Variants in NKAIN2 observed in about 807,000 individuals in gnomAD.
NKAIN2 encodes the protein sodium/potassium transporting ATPase interacting 2.
Under a neutral mutation model 32.6 loss-of-function variants are expected in NKAIN2, and 14 were observed. The ratio of observed to expected loss-of-function variants is 0.43; its 90% CI spans 0.28 to 0.67. The LOEUF (loss-of-function observed/expected upper bound fraction) is 0.67. NKAIN2 is among the 30% of genes least tolerant of loss of function. The pLI, the probability that NKAIN2 is intolerant of heterozygous loss-of-function variation, is 0.17. For synonymous variants in NKAIN2, 80 were observed against 87.2 expected, an observed-to-expected ratio of 0.92 and a Z score of 0.46; for missense variants, 198 against 258.3, an observed-to-expected ratio of 0.77 and a Z score of 1.60.
chr6:124,501,576 A>T (rs572174059), intron 3 of NKAIN2, among the ~76,000 whole-genome samples: 2 of 152,254 alleles, frequency 1.3e-5, no homozygotes, highest in South Asian at 4.1e-4. Context: ...CAGCCCTTTC[A>T]TTCAGTTTTC....
At chr6:124,130,972 G>A (rs1347903288) in intron 1 of NKAIN2, among the ~76,000 whole-genome samples, 1 of 152,100 alleles carries the variant, frequency 6.6e-6, no homozygotes, top group Non-Finnish European at 1.5e-5. Context: ...GTCCTGTCTT[G>A]GCCTGGTGTC....
intron 3 of NKAIN2, among the ~76,000 whole-genome samples, chr6:124,412,076 G>T (rs190811996): frequency 1.3e-5 from 2 of 150,520 alleles, no homozygotes; most frequent in South Asian, 2.1e-4. Context: ...CTATTTATCC[G>T]TTCATCTAAT....
At chr6:124,548,062 A>G (rs1780159487) in intron 3 of NKAIN2, among the ~76,000 whole-genome samples, 1 of 152,190 alleles carries the variant, frequency 6.6e-6, no homozygotes, top group African/African-American at 2.4e-5. Flanking sequence ...CTTGCCTGGG[A>G]TATGAACCGT....
At chr6:124,739,677 GA>G (rs1325706474) in intron 4 of NKAIN2, among the ~76,000 whole-genome samples, 1 of 151,764 alleles carries the variant, frequency 6.6e-6, no homozygotes. Context: ...TACACATCTT[GA>G]AAAAGGGAGA....
intron 1 of NKAIN2, among the ~76,000 whole-genome samples, chr6:124,142,260 C>CT (rs973188728): frequency 5.3e-5 from 8 of 152,132 alleles, no homozygotes; most frequent in African/African-American, 1.9e-4. Flanking sequence ...ATTCTTATAT[C>CT]TTTTTGATGA....
chr6:124,101,644 T>C (rs759114560), intron 1 of NKAIN2, among the ~76,000 whole-genome samples: 1 of 152,148 alleles, frequency 6.6e-6, no homozygotes, highest in Non-Finnish European at 1.5e-5. Flanking sequence ...TATGTTTCAG[T>C]TACTTGTGAT....
intron 1 of NKAIN2, among the ~76,000 whole-genome samples, chr6:124,177,285 G>A (rs942375188): frequency 2.0e-5 from 3 of 152,170 alleles, no homozygotes; most frequent in African/African-American, 7.2e-5. Context: ...CACATGCACA[G>A]TTTAGATATT....
chr6:124,700,127 C>T (rs1286204086), intron 4 of NKAIN2, among the ~76,000 whole-genome samples: 3 of 152,236 alleles, frequency 2.0e-5, no homozygotes, highest in Admixed American at 2.0e-4. Flanking sequence ...ACTTCCAACA[C>T]ACCTCATTAC....
intron 3 of NKAIN2, among the ~76,000 whole-genome samples, chr6:124,466,717 A>G (rs1282634784): frequency 1.3e-5 from 2 of 150,746 alleles, no homozygotes; most frequent in African/African-American, 4.9e-5. Flanking sequence ...ATGGAGTCAA[A>G]AAGAGAATTT....
intron 3 of NKAIN2, among the ~76,000 whole-genome samples, chr6:124,580,422 C>G (rs1400816045): frequency 6.6e-6 from 1 of 151,938 alleles, no homozygotes; most frequent in Non-Finnish European, 1.5e-5. Context: ...CTTATGTAAT[C>G]AATATTAAGT....
At chr6:123,818,298 T>C (rs984647881) in intron 1 of NKAIN2, among the ~76,000 whole-genome samples, 67 of 151,532 alleles carry the variant, frequency 4.4e-4, no homozygotes, top group African/African-American at 1.6e-3. Flanking sequence ...AACAATGTGA[T>C]TGTAAATTTA....
At chr6:124,035,493 C>G (rs1781572082) in intron 1 of NKAIN2, among the ~76,000 whole-genome samples, 1 of 152,094 alleles carries the variant, frequency 6.6e-6, no homozygotes, top group Admixed American at 6.6e-5. Context: ...AGCTAATCTC[C>G]TGTAGTTTCC....
intron 4 of NKAIN2, among the ~76,000 whole-genome samples, chr6:124,785,423 T>A (rs1386060293): frequency 6.6e-6 from 1 of 152,224 alleles, no homozygotes; most frequent in East Asian, 1.9e-4. Context: ...TTTCATTCAG[T>A]TTGAGGCCAT....
chr6:124,739,150 A>T (rs1222855204), intron 4 of NKAIN2, among the ~76,000 whole-genome samples: 1 of 151,912 alleles, frequency 6.6e-6, no homozygotes, highest in East Asian at 1.9e-4. Context: ...GTTGATTCTA[A>T]TGATCTAATG....
At chr6:124,783,404 A>G (rs1288246499) in intron 4 of NKAIN2, among the ~76,000 whole-genome samples, 2 of 152,204 alleles carry the variant, frequency 1.3e-5, no homozygotes, top group Non-Finnish European at 2.9e-5. Flanking sequence ...TCTTTTAAAA[A>G]GTGTTTAATA....
Position 124,370,300 on chromosome 6 carries a change from C to G in NKAIN2, c.273+14953C>G, listed in dbSNP as rs940878074. On this transcript the variant is annotated intron_variant, in intron 3 of 6. Coordinates refer to ENST00000368417, the MANE Select transcript of NKAIN2 (RefSeq NM_001040214.3). ...AGTTTCAGCGTAGCACTTAGAGTGTCACTTCTCTTCCGCCTCTTTATAGGT... is the reference window on the plus strand; with the variant it reads ...AGTTTCAGCGTAGCACTTAGAGTGTGACTTCTCTTCCGCCTCTTTATAGGT... 5.9e-5 allele frequency among the ~76,000 whole-genome samples: 9 copies of G among 151,732 alleles called. No individual in the cohort carries two copies. In the East Asian group the frequency reaches 1.7e-3, roughly 29 times the overall value.
At chr6:124,670,437 A>G (rs1229793009) in intron 4 of NKAIN2, among the ~76,000 whole-genome samples, 1 of 152,112 alleles carries the variant, frequency 6.6e-6, no homozygotes, top group African/African-American at 2.4e-5. Flanking sequence ...TTGATTTTGT[A>G]TAGCATTATT....
intron 3 of NKAIN2, among the ~76,000 whole-genome samples, chr6:124,448,437 A>C (rs1054677841): frequency 6.6e-6 from 1 of 152,104 alleles, no homozygotes; most frequent in African/African-American, 2.4e-5. Context: ...CAAACAATAA[A>C]TGCTTTTCCT....
At chr6:123,931,321 C>T (rs772353572) in intron 1 of NKAIN2, among the ~76,000 whole-genome samples, 19 of 152,156 alleles carry the variant, frequency 1.2e-4, no homozygotes, top group Non-Finnish European at 2.2e-4. Context: ...CCCTTTCTGA[C>T]ACTGTCCCTG....
Sources: gnomAD v4.1 joint callset for allele counts (sites outside exome capture counted in the v4.1 genomes callset) on GRCh38, gnomAD v4.1.1 for gene constraint, MANE v1.5 for transcripts, NCBI Gene and HGNC (gene_info 2026-07-23, HGNC 2026-07-21) for gene names.